Variants in FRMD4A observed in about 807,000 individuals in gnomAD.
FRMD4A encodes FERM domain containing 4A, also known as FERM domain-containing protein 4A.
In FRMD4A, 29 loss-of-function variants were observed where a neutral mutation model predicts 129.1. The observed-to-expected ratio is 0.22, with a 90% CI of 0.17 to 0.31. FRMD4A has a LOEUF of 0.31. Among genes scored for constraint, FRMD4A ranks in the 10% least tolerant of loss-of-function variants. The pLI is 1.00. For synonymous variants in FRMD4A, 634 were observed against 571.6 expected, an observed-to-expected ratio of 1.11 and a Z score of -1.56; for missense variants, 1,272 against 1,375.8, an observed-to-expected ratio of 0.92 and a Z score of 1.19.
intron 2 of FRMD4A, among the ~76,000 whole-genome samples, chr10:13,861,853 T>C (rs2094299389): frequency 1.3e-5 from 2 of 152,314 alleles, no homozygotes; most frequent in South Asian, 4.1e-4. Flanking sequence ...GCCATTACAA[T>C]TTTAAATTAG....
At chr10:13,697,271 C>G (rs1430738523) in intron 14 of FRMD4A, among the ~76,000 whole-genome samples, 2 of 151,896 alleles carry the variant, frequency 1.3e-5, no homozygotes, top group African/African-American at 4.8e-5. Flanking sequence ...ATTCTCCTCC[C>G]TCAGCCTCCT....
At chr10:13,839,484 C>A (rs2130968591) in intron 3 of FRMD4A, among the ~76,000 whole-genome samples, 1 of 152,300 alleles carries the variant, frequency 6.6e-6, no homozygotes, top group South Asian at 2.1e-4. Flanking sequence ...ATGCAGAGGG[C>A]ATCTGTAGAT....
At chr10:14,206,460 C>G (rs1842783205) in intron 2 of FRMD4A, among the ~76,000 whole-genome samples, 1 of 152,078 alleles carries the variant, frequency 6.6e-6, no homozygotes, top group African/African-American at 2.4e-5. Context: ...TTGTCACTAT[C>G]TCTTATTTGT....
intron 2 of FRMD4A, among the ~76,000 whole-genome samples, chr10:14,193,073 C>A (rs970660627): frequency 6.6e-6 from 1 of 152,184 alleles, no homozygotes; most frequent in African/African-American, 2.4e-5. Flanking sequence ...AGAAATTCTA[C>A]CCTGGGCCAT....
At chr10:13,945,605 T>G (rs1450497113) in intron 2 of FRMD4A, among the ~76,000 whole-genome samples, 2 of 152,208 alleles carry the variant, frequency 1.3e-5, no homozygotes, top group Non-Finnish European at 2.9e-5. Flanking sequence ...TCTGCAAATC[T>G]ACCAGGCAGG....
chr10:14,186,310 C>T (rs1001910723), intron 2 of FRMD4A, among the ~76,000 whole-genome samples: 6 of 152,156 alleles, frequency 3.9e-5, no homozygotes, highest in Non-Finnish European at 8.8e-5. Flanking sequence ...CGTACTAACG[C>T]CCCCTGAATT....
intron 4 of FRMD4A, among the ~76,000 whole-genome samples, chr10:13,805,660 C>T (rs1277776106): frequency 2.0e-5 from 3 of 152,082 alleles, no homozygotes; most frequent in South Asian, 2.1e-4. Flanking sequence ...TCCCACCCCA[C>T]CCCCTGGCTC....
At chr10:14,085,702 C>T (rs762847241) in intron 2 of FRMD4A, among the ~76,000 whole-genome samples, 1 of 152,208 alleles carries the variant, frequency 6.6e-6, no homozygotes, top group Non-Finnish European at 1.5e-5. Flanking sequence ...TTCATTTGCG[C>T]TCGCTGTCCT....
chr10:13,985,359 G>A (rs911157884), intron 2 of FRMD4A, among the ~76,000 whole-genome samples: 2 of 152,202 alleles, frequency 1.3e-5, no homozygotes, highest in African/African-American at 2.4e-5. Flanking sequence ...GAAGGAGGCT[G>A]GAATGGAGGA....
chr10:13,958,600 C>CT (rs35600004), intron 2 of FRMD4A, among the ~76,000 whole-genome samples: 45,130 of 133,990 alleles, frequency 0.34, 7,457 homozygotes, highest in Middle Eastern at 0.46. Flanking sequence ...TTCTTTCTTT[C>CT]TTTTTTTTTT....
At chr10:13,731,667 A>T (rs888833284) in intron 12 of FRMD4A, among the ~76,000 whole-genome samples, 14 of 151,862 alleles carry the variant, frequency 9.2e-5, no homozygotes, top group African/African-American at 3.4e-4. Flanking sequence ...AAAAAAAAAA[A>T]AATTCTACAT....
At chr10:13,913,051 TAAG>T (rs2131232937) in intron 2 of FRMD4A, among the ~76,000 whole-genome samples, 2 of 143,372 alleles carry the variant, frequency 1.4e-5, no homozygotes, top group Non-Finnish European at 3.0e-5. Context: ...GTAGCCTGGG[TAAG>T]AAGAGTAAAA....
chr10:14,308,014 AC>A (rs1846410630), intron 2 of FRMD4A, among the ~76,000 whole-genome samples: 1 of 152,234 alleles, frequency 6.6e-6, no homozygotes, highest in African/African-American at 2.4e-5. Flanking sequence ...ATGCTAAAGT[AC>A]ATAGATAGAG....
rs558216297 is a variant in FRMD4A at position 13,647,747 on chromosome 10, T to TTAAG, written c.*3-716_*3-713dup. ...AAATAAAAGGCTTTTTTTTTTTTTT[T>TTAAG]TAAGTATTTTAGGGAGGTATCACCA... On this transcript the variant is annotated intron_variant, in intron 24 of 24. Coordinates refer to ENST00000357447, the MANE Select transcript of FRMD4A (RefSeq NM_018027.5). The TTAAG allele has an allele frequency of 2.9e-4, 44 of 151,014 alleles. No homozygotes were observed. In the East Asian group the frequency reaches 8.0e-3, roughly 27 times the overall value. 9.4% of individuals were successfully genotyped at this position (151,014 alleles called of 1,614,324 possible). A position where few individuals can be genotyped will look rare whatever the true frequency, so the allele number is the denominator to read the frequency against.
intron 12 of FRMD4A, among the ~76,000 whole-genome samples, chr10:13,726,335 G>A (rs1339137055): frequency 6.6e-6 from 1 of 152,158 alleles, no homozygotes; most frequent in Non-Finnish European, 1.5e-5. Context: ...GTCTTGGAGT[G>A]GATATGGAGG....
chr10:14,195,505 C>T (rs964986544), intron 2 of FRMD4A, among the ~76,000 whole-genome samples: 1 of 151,922 alleles, frequency 6.6e-6, no homozygotes, highest in African/African-American at 2.4e-5. Flanking sequence ...TGAAAACTAC[C>T]TGTACAAATT....
At chr10:13,880,472 A>G (rs1262058209) in intron 2 of FRMD4A, among the ~76,000 whole-genome samples, 1 of 152,178 alleles carries the variant, frequency 6.6e-6, no homozygotes, top group African/African-American at 2.4e-5. Context: ...CCCACCTTGC[A>G]ATCTCACCCA....
intron 2 of FRMD4A, among the ~76,000 whole-genome samples, chr10:14,102,061 C>A (rs1837334152): frequency 6.6e-6 from 1 of 152,190 alleles, no homozygotes; most frequent in African/African-American, 2.4e-5. Context: ...AGTTAAGTAC[C>A]TTTTGGGAAA....
intron 2 of FRMD4A, among the ~76,000 whole-genome samples, chr10:14,131,288 G>T (rs566988693): frequency 6.6e-6 from 1 of 152,198 alleles, no homozygotes; most frequent in Admixed American, 6.5e-5. Flanking sequence ...CTCAGGCGAT[G>T]CAGAAGCTTC....
Sources: allele counts gnomAD v4.1 joint callset (sites outside exome capture counted in the v4.1 genomes callset), GRCh38; gene constraint gnomAD v4.1.1; transcripts MANE v1.5; gene names NCBI Gene and HGNC (gene_info 2026-07-23, HGNC 2026-07-21).